GNG4: variants seen among roughly 807,000 people sequenced by gnomAD.
GNG4 encodes G protein subunit gamma 4.
In GNG4, 4 loss-of-function variants were observed where a neutral mutation model predicts 5.8. The ratio of observed to expected loss-of-function variants is 0.69; its 90% CI spans 0.34 to 1.57. The LOEUF (loss-of-function observed/expected upper bound fraction) is 1.57, where lower values mean the gene tolerates loss of function less well. Ranked by LOEUF, GNG4 falls within the 40% of genes most tolerant of loss-of-function variation. GNG4 has a pLI of 0.06. For missense variants in GNG4, 96 were observed against 95.1 expected (o/e 1.01, Z -0.04); for synonymous variants, 29 against 32.9 (o/e 0.88, Z 0.41).
chr1:235,570,389 CTCT>C (rs1242551366), intron 3 of GNG4, among the ~76,000 whole-genome samples: 1 of 133,442 alleles, frequency 7.5e-6, no homozygotes, highest in Non-Finnish European at 1.5e-5. Flanking sequence ...TTAGTTTCAC[CTCT>C]TCTTTTTTTT....
At chr1:235,580,156 C>G (rs2102938168) in intron 3 of GNG4, among the ~76,000 whole-genome samples, 1 of 152,258 alleles carries the variant, frequency 6.6e-6, no homozygotes, top group South Asian at 2.1e-4. Context: ...TGAAATAAGA[C>G]AGGAACAAAA....
chr1:235,628,420 G>T (rs1204690596), intron 1 of GNG4, among the ~76,000 whole-genome samples: 1 of 150,348 alleles, frequency 6.7e-6, no homozygotes, highest in African/African-American at 2.5e-5. Context: ...AGGAGACGGG[G>T]GGGGGTTACA....
chr1:235,647,763 T>G (rs1657548518), intron 1 of GNG4, among the ~76,000 whole-genome samples: 3 of 152,168 alleles, frequency 2.0e-5, no homozygotes, highest in African/African-American at 7.2e-5. Flanking sequence ...GCCTCCCAAG[T>G]AGCTGGGATT....
chr1:235,594,305 C>T (rs1294903539), intron 2 of GNG4, among the ~76,000 whole-genome samples: 2 of 152,186 alleles, frequency 1.3e-5, no homozygotes, highest in African/African-American at 4.8e-5. Flanking sequence ...GGTGTATTTA[C>T]AATCCCTTAG....
chr1:235,629,077 G>A (rs1688883916), intron 1 of GNG4, among the ~76,000 whole-genome samples: 2 of 150,204 alleles, frequency 1.3e-5, no homozygotes, highest in Non-Finnish European at 3.0e-5. Context: ...GAGTGCAATG[G>A]TGCAATCACA....
chr1:235,560,231 C>T (rs1687022767), intron 3 of GNG4, among the ~76,000 whole-genome samples: 1 of 152,070 alleles, frequency 6.6e-6, no homozygotes, highest in South Asian at 2.1e-4. Context: ...GTGCTGTCTC[C>T]CAAAAGCATG....
chr1:235,582,587 G>A (rs1687664717), intron 3 of GNG4, among the ~76,000 whole-genome samples: 1 of 152,218 alleles, frequency 6.6e-6, no homozygotes, highest in African/African-American at 2.4e-5. Context: ...GATGCCTGCA[G>A]CTTTCATTTG....
intron 1 of GNG4, among the ~76,000 whole-genome samples, chr1:235,635,354 G>A (rs552297285): frequency 6.6e-6 from 1 of 152,204 alleles, no homozygotes; most frequent in African/African-American, 2.4e-5. Flanking sequence ...AAATGATTCA[G>A]GTGTGGTGGT....
At chr1:235,608,685 TTA>T (rs1300954489) in intron 1 of GNG4, among the ~76,000 whole-genome samples, 42 of 122,428 alleles carry the variant, frequency 3.4e-4, no homozygotes, top group African/African-American at 1.4e-3. Context: ...TTTTTATTTT[TTA>T]TTTTTTTTTT....
rs1657600084 is a variant in GNG4, at chr1:235,649,400, C to G, written c.-123+262G>C. 6.6e-6 allele frequency among the ~76,000 whole-genome samples: 1 copy of G among 152,106 alleles called. No homozygotes were observed. The highest frequency in any genetic ancestry group is 1.5e-5 in the Non-Finnish European group (1 of 67,984). ...CGGGCGCCCCCAGCCCCGGAAGCCC[C>G]TGGACGCGCTCCGAGGGGGCTGTCC... On this transcript the variant is annotated intron_variant, in intron 1 of 3. Coordinates refer to ENST00000391854, the MANE Select transcript of GNG4 (RefSeq NM_001098722.2). This position sits in a 1 kb window ranked among gnomAD's most constrained non-coding sequence, Gnocchi z 5.7.
chr1:235,555,721 CAAAT>C (rs1329219826), intron 3 of GNG4, among the ~76,000 whole-genome samples: 2 of 149,196 alleles, frequency 1.3e-5, no homozygotes, highest in Admixed American at 6.7e-5. Flanking sequence ...TTATAATTGA[CAAAT>C]AAAAATGGAA....
At chr1:235,593,852 G>C (rs1291829447) in intron 2 of GNG4, among the ~76,000 whole-genome samples, 1 of 152,168 alleles carries the variant, frequency 6.6e-6, no homozygotes, top group East Asian at 1.9e-4. Context: ...AAAGGCAGTG[G>C]GGGCCCAGAG....
At position 235,584,069 on chromosome 1, in the gene GNG4, G is replaced by A. The variant is rs74148712; in HGVS notation, c.-10-221C>T. On this transcript the variant is annotated intron_variant, in intron 2 of 3. Coordinates refer to ENST00000391854, the MANE Select transcript of GNG4 (RefSeq NM_001098722.2). ...TGTTTGGAAAAACTTTCTCAGTCCC[G>A]GGGACAGTGAGAAGAGAACAGAAGG... Among the ~76,000 whole-genome samples, 8,948 of 152,132 alleles carry A rather than the reference G, an allele frequency of 0.059. 776 individuals are homozygous for A. Among genetic ancestry groups the A allele is most frequent in the African/African-American group, 0.19 (7,775 of 41,462 alleles).
chr1:235,562,659 G>GAAAAAAAAAAAAAGAAAAAAAAAAAAA (rs766199361), intron 3 of GNG4, among the ~76,000 whole-genome samples: 16 of 51,188 alleles, frequency 3.1e-4, no homozygotes, highest in South Asian at 5.2e-4. Context: ...AAAAAAAAAA[G>GAAAAAAAAAAAAAGAAAAAAAAAAAAA]AAAAAAAAAA....
At chr1:235,594,928 AG>A (rs1193058026) in intron 2 of GNG4, among the ~76,000 whole-genome samples, 1 of 152,218 alleles carries the variant, frequency 6.6e-6, no homozygotes, top group Non-Finnish European at 1.5e-5. Context: ...GAGGGTTGCC[AG>A]CACGCTGTCA....
chr1:235,614,586 G>A (rs1264560069), intron 1 of GNG4: 1 of 152,256 alleles, frequency 6.6e-6, no homozygotes, highest in Non-Finnish European at 1.5e-5. Context: ...TATGGACTGA[G>A]CTGCTCCTGC....
At chr1:235,569,594 A>G (rs1013903459) in intron 3 of GNG4, among the ~76,000 whole-genome samples, 1 of 151,064 alleles carries the variant, frequency 6.6e-6, no homozygotes, top group Non-Finnish European at 1.5e-5. Flanking sequence ...CAATGGCACG[A>G]TCTTGGCTCA....
upstream of GNG4, chr1:235,650,503 G>A (rs868586008): frequency 6.6e-6 from 1 of 152,342 alleles, no homozygotes; most frequent in African/African-American, 2.4e-5. Context: ...GGGACGCCTC[G>A]GAAGCCTCCG....
intron 1 of GNG4, among the ~76,000 whole-genome samples, chr1:235,623,720 C>A (rs1688754008): frequency 6.6e-6 from 1 of 152,140 alleles, no homozygotes; most frequent in South Asian, 2.1e-4. Context: ...CTTTCCTGAC[C>A]ACTTTCACCT....
Sources: gnomAD v4.1 joint callset for allele counts (sites outside exome capture counted in the v4.1 genomes callset) on GRCh38, gnomAD v4.1.1 for gene constraint, Gnocchi (gnomAD v3.1) non-coding constraint, MANE v1.5 for transcripts, NCBI Gene and HGNC (gene_info 2026-07-23, HGNC 2026-07-21) for gene names.